The following ARSB variants were observed in gnomAD, a reference collection of about 807,000 sequenced individuals.
ARSB encodes arylsulfatase B, also known as N-acetylgalactosamine-4-sulfatase.
A neutral mutation model predicts 50.9 loss-of-function variants in ARSB; 41 were observed. The observed-to-expected ratio is 0.81, with a 90% CI of 0.63 to 1.04. ARSB has a LOEUF of 1.04. Ranked by LOEUF, ARSB falls within the 50% of genes least tolerant of loss-of-function variation. The probability of loss-of-function intolerance (pLI) is 0.00; values close to 1 mark genes in which losing one functional copy is unlikely to be tolerated. For synonymous variants in ARSB, 269 were observed against 284.8 expected, an observed-to-expected ratio of 0.94 and a Z score of 0.56; for missense variants, 672 against 693.3, an observed-to-expected ratio of 0.97 and a Z score of 0.35.
intron 4 of ARSB, among the ~76,000 whole-genome samples, chr5:78,910,539 G>A (rs930932640): frequency 3.9e-5 from 6 of 152,140 alleles, no homozygotes; most frequent in African/African-American, 1.4e-4. Flanking sequence ...TAAATTTTCA[G>A]TGTAAAAATA....
chr5:78,837,078 C>T (rs1044065453), intron 6 of ARSB, among the ~76,000 whole-genome samples: 2 of 152,182 alleles, frequency 1.3e-5, no homozygotes, highest in Non-Finnish European at 2.9e-5. Flanking sequence ...GATTACAATT[C>T]GACATGACAC....
At chr5:78,944,999 C>T (rs150438437) in intron 4 of ARSB, among the ~76,000 whole-genome samples, 5,151 of 152,232 alleles carry the variant, frequency 0.034, 254 homozygotes, top group African/African-American at 0.11. Context: ...CCCCCATCCT[C>T]GCTGCCACCT....
chr5:78,921,227 T>C (rs984613217), intron 4 of ARSB, among the ~76,000 whole-genome samples: 14 of 152,146 alleles, frequency 9.2e-5, no homozygotes, highest in Non-Finnish European at 4.4e-5. Flanking sequence ...AGTCTCACTC[T>C]CCAATGACCA....
chr5:78,979,360 G>A (rs1051336575), intron 1 of ARSB, among the ~76,000 whole-genome samples: 13 of 152,226 alleles, frequency 8.5e-5, no homozygotes, highest in Non-Finnish European at 1.5e-4. Context: ...AGGATGTGGA[G>A]ACGCTAAAAC....
At chr5:78,806,595 C>A (rs993559593) in intron 6 of ARSB, among the ~76,000 whole-genome samples, 3 of 152,180 alleles carry the variant, frequency 2.0e-5, no homozygotes, top group Admixed American at 1.3e-4. Flanking sequence ...AGTTCCTTGT[C>A]AGTCACTCCT....
chr5:78,869,966 A>C (rs1202358621), intron 5 of ARSB, among the ~76,000 whole-genome samples: 1 of 150,758 alleles, frequency 6.6e-6, no homozygotes, highest in Non-Finnish European at 1.5e-5. Flanking sequence ...ACACAATAAA[A>C]AATGATAAAG....
chr5:78,902,825 GT>G (rs1320156596), intron 4 of ARSB, among the ~76,000 whole-genome samples: 1 of 152,140 alleles, frequency 6.6e-6, no homozygotes, highest in African/African-American at 2.4e-5. Context: ...TTTTTAAAAT[GT>G]TCTAGAATTA....
At chr5:78,844,254 A>G (rs1472662788) in intron 5 of ARSB, among the ~76,000 whole-genome samples, 1 of 152,180 alleles carries the variant, frequency 6.6e-6, no homozygotes, top group Non-Finnish European at 1.5e-5. Context: ...GTGTAAAGTG[A>G]TATCTCATTG....
At chr5:78,802,151 C>CTCCT (rs1203633201) in intron 6 of ARSB, among the ~76,000 whole-genome samples, 2 of 152,018 alleles carry the variant, frequency 1.3e-5, no homozygotes, top group South Asian at 2.1e-4. Flanking sequence ...CTTTCTACAA[C>CTCCT]TCCTTGCCTG....
At chr5:78,887,203 G>A (rs1042886664) in intron 4 of ARSB, among the ~76,000 whole-genome samples, 1 of 152,082 alleles carries the variant, frequency 6.6e-6, no homozygotes, top group Admixed American at 6.5e-5. Context: ...CCAAGCGCTA[G>A]GCACTGGCAT....
At chr5:78,796,910 C>A in intron 6 of ARSB, among the ~76,000 whole-genome samples, 1 of 141,712 alleles carries the variant, frequency 7.1e-6, no homozygotes, top group Non-Finnish European at 1.5e-5. Flanking sequence ...CAGAGTCTCG[C>A]TCTGTCGCCC....
intron 5 of ARSB, among the ~76,000 whole-genome samples, chr5:78,865,312 G>A (rs1440645776): frequency 5.9e-5 from 9 of 152,190 alleles, no homozygotes; most frequent in African/African-American, 2.2e-4. Context: ...CGTGGAAGCT[G>A]CCAAGGCTTG....
intron 5 of ARSB, among the ~76,000 whole-genome samples, chr5:78,861,850 A>G (rs889250727): frequency 6.6e-6 from 1 of 152,238 alleles, no homozygotes; most frequent in African/African-American, 2.4e-5. Flanking sequence ...ACATGATTGT[A>G]TATCTAGAAA....
At chr5:78,867,165 C>A (rs1035560974) in intron 5 of ARSB, among the ~76,000 whole-genome samples, 3 of 152,172 alleles carry the variant, frequency 2.0e-5, no homozygotes, top group Admixed American at 6.5e-5. Context: ...TCGGAGGGTC[C>A]TACACCCACG....
intron 4 of ARSB, among the ~76,000 whole-genome samples, chr5:78,914,057 G>A (rs1749435077): frequency 6.6e-6 from 1 of 151,152 alleles, no homozygotes; most frequent in Admixed American, 6.6e-5. Context: ...CAAACTCCTG[G>A]GCTCAAGTCA....
At chr5:78,784,798 CTTTTT>C (rs370754347) in intron 6 of ARSB, among the ~76,000 whole-genome samples, 1 of 124,862 alleles carries the variant, frequency 8.0e-6, no homozygotes, top group Admixed American at 8.2e-5. Flanking sequence ...TTTTATTAGT[CTTTTT>C]TTTTTTTTTT....
chr5:78,812,589 TCAAA>T (rs1428111062), intron 6 of ARSB, among the ~76,000 whole-genome samples: 1 of 47,298 alleles, frequency 2.1e-5, no homozygotes, highest in Non-Finnish European at 4.3e-5. Flanking sequence ...AACATTCTGT[TCAAA>T]CACACACACA....
intron 6 of ARSB, among the ~76,000 whole-genome samples, chr5:78,794,111 C>T (rs1336813715): frequency 2.0e-5 from 3 of 152,120 alleles, no homozygotes; most frequent in Non-Finnish European, 4.4e-5. Context: ...AAATATCTAA[C>T]CACACTGCTG....
At chr5:78,937,455 T>G (rs1310644653) in intron 4 of ARSB, among the ~76,000 whole-genome samples, 1 of 145,342 alleles carries the variant, frequency 6.9e-6, no homozygotes, top group Non-Finnish European at 1.5e-5. Context: ...ATCTTATATA[T>G]ATAATGAATA....
Sources: gnomAD v4.1 joint callset for allele counts (sites outside exome capture counted in the v4.1 genomes callset) on GRCh38, gnomAD v4.1.1 for gene constraint, MANE v1.5 for transcripts, NCBI Gene and HGNC (gene_info 2026-07-23, HGNC 2026-07-21) for gene names.